Variants in BIRC6 observed in about 807,000 individuals in gnomAD.
BIRC6 encodes the protein dual E2 ubiquitin-conjugating enzyme/E3 ubiquitin-protein ligase BIRC6.
Under a neutral mutation model 503.3 loss-of-function variants are expected in BIRC6, and 98 were observed. The observed-to-expected ratio is 0.19, with a 90% confidence interval of 0.17 to 0.23. The LOEUF (loss-of-function observed/expected upper bound fraction) is 0.23. Ranked by LOEUF, BIRC6 falls within the 10% of genes least tolerant of loss-of-function variation. BIRC6 has a pLI of 1.00. For synonymous variants in BIRC6, 2,240 were observed against 2,078.7 expected (o/e 1.08, Z -2.11); for missense variants, 5,360 against 5,806.0 (o/e 0.92, Z 2.50).
chr2:32,433,620 A>T, intron 12 of BIRC6, 24 bp from the exon 13 acceptor site: 1 of 1,521,432 alleles, frequency 6.6e-7, no homozygotes, highest in Non-Finnish European at 8.9e-7. Flanking sequence ...TGCTTTATTT[A>T]GCATTTTTCC....
chr2:32,376,663 T>A (rs528005662), intron 1 of BIRC6, among the ~76,000 whole-genome samples: 42 of 152,318 alleles, frequency 2.8e-4, no homozygotes, highest in African/African-American at 9.9e-4. Flanking sequence ...ATGTATGAAT[T>A]GGAAAAAAAT....
At chr2:32,512,474 G>C (rs2149652689) in intron 53 of BIRC6, among the ~76,000 whole-genome samples, 1 of 152,186 alleles carries the variant, frequency 6.6e-6, no homozygotes, top group Middle Eastern at 3.4e-3. Flanking sequence ...ATTTTTAAAA[G>C]TACTATGCAG....
At chr2:32,611,961 G>C (rs543642710) in intron 73 of BIRC6, among the ~76,000 whole-genome samples, 1 of 152,174 alleles carries the variant, frequency 6.6e-6, no homozygotes, top group East Asian at 1.9e-4. Flanking sequence ...CTGTAACCTT[G>C]AACTCCTGGG....
chr2:32,531,459 A>G lies in BIRC6; in HGVS notation c.12199A>G (p.Ile4067Val), dbSNP rs372730187. The stretch of plus-strand genomic sequence containing the variant: ...TGAATCTTTGCTTGAAACCTGTCCA[A>G]TTCAGTCACCATTACAAGTTTTTGC... ...LDESLLETCP[I>V]QSPLQVFAGM... The change falls in exon 61 of 74, where the codon ATT becomes GTT. Residue 4067 changes from isoleucine (I) to valine (V), a missense_variant. Ile to Val is a conservative substitution (Grantham distance 29). Transcript: ENST00000421745. 11 of 1,613,872 alleles carry G rather than the reference A, an allele frequency of 6.8e-6. No homozygotes were observed. Among genetic ancestry groups the G allele is most frequent in the African/African-American group, 1.3e-5 (1 of 75,038 alleles).
At chr2:32,594,767 A>G (rs1271438996) in intron 67 of BIRC6, among the ~76,000 whole-genome samples, 1 of 150,990 alleles carries the variant, frequency 6.6e-6, no homozygotes, top group East Asian at 1.9e-4. Context: ...TTAGCTGAAG[A>G]AAGTGATCTG....
intron 5 of BIRC6, among the ~76,000 whole-genome samples, chr2:32,393,410 A>G (rs2039490482): frequency 2.0e-5 from 3 of 152,214 alleles, no homozygotes; most frequent in Admixed American, 2.0e-4. Context: ...GGAAACTTAA[A>G]CTGAGTGGTA....
intron 66 of BIRC6, among the ~76,000 whole-genome samples, chr2:32,586,575 C>T (rs1462077950): frequency 6.6e-6 from 1 of 151,618 alleles, no homozygotes; most frequent in African/African-American, 2.4e-5. Flanking sequence ...TACACCACCA[C>T]TCCCGGCGAA....
At chr2:32,427,606 T>TG (rs2043667082) in intron 10 of BIRC6, among the ~76,000 whole-genome samples, 1 of 152,162 alleles carries the variant, frequency 6.6e-6, no homozygotes, top group Non-Finnish European at 1.5e-5. Context: ...TTAAAAATAT[T>TG]TTTGTTTGTT....
chr2:32,542,682 A>G (rs2057761310), intron 61 of BIRC6, among the ~76,000 whole-genome samples: 1 of 152,266 alleles, frequency 6.6e-6, no homozygotes, highest in Non-Finnish European at 1.5e-5. Flanking sequence ...AAATAGTCTC[A>G]AGAATCTGCA....
chr2:32,527,722 G>C (rs1486388151), intron 59 of BIRC6: 1 of 152,282 alleles, frequency 6.6e-6, no homozygotes, highest in African/African-American at 2.4e-5. Flanking sequence ...TATACCTTCA[G>C]AGTTCAGCAG....
At chr2:32,454,981 CT>C (rs1367073475) in intron 23 of BIRC6, among the ~76,000 whole-genome samples, 4 of 152,074 alleles carry the variant, frequency 2.6e-5, no homozygotes, top group Non-Finnish European at 5.9e-5. Context: ...TTTGTAGAAA[CT>C]TTTACATTTA....
Position 32,501,759 on chromosome 2 carries a change from G to T in BIRC6, c.9078G>T (p.Gly3026=). ...HLTKHENFHG[G]LDAISVGDGL... is the part of the protein sequence containing the mutation. ...CTAAACATGAAAACTTTCATGGTGG[G>T]TTGGATGCCATATCAGTTGGGGATG... The change falls in exon 47 of 74, where the codon GGG becomes GGT. Residue 3026 remains glycine (G), a synonymous_variant. Coordinates refer to ENST00000421745, the MANE Select transcript of BIRC6 (RefSeq NM_016252.4). 6.2e-7 allele frequency: 1 copy of T among 1,613,384 alleles called. No homozygotes were observed. Among genetic ancestry groups the T allele is most frequent in the Non-Finnish European group, 8.5e-7 (1 of 1,179,742 alleles).
rs570781756 is a variant in BIRC6 at position 32,567,161 on chromosome 2, G to T, written c.13145-7995G>T. ...GTTTTTGTATTTTTAGTAGAGACTG[G>T]GTTTTGCCATGTTGGCTAGGCTGGT... On this transcript the variant is annotated intron_variant, in intron 65 of 73. Transcript: ENST00000421745. Among the ~76,000 whole-genome samples, 13 of 152,196 alleles carry T rather than the reference G, an allele frequency of 8.5e-5. No individual in the cohort carries two copies. In the East Asian group the frequency reaches 2.5e-3, roughly 29 times the overall value.
rs74364753 is a variant in BIRC6, at chr2:32,468,813, C to G, written c.6127+30C>G. 0.014 allele frequency: 20,112 copies of G among 1,475,646 alleles called. 193 individuals are homozygous for G. Among genetic ancestry groups the G allele is most frequent in the Non-Finnish European group, 0.017 (18,691 of 1,080,970 alleles). The allele number at this position is 1,475,646 out of a possible 1,614,324, so 91.4% of individuals were successfully genotyped here. On this transcript the variant is annotated intron_variant, in intron 29 of 73. Transcript: ENST00000421745. ...GTATTTGGCTTACATATTTTAAAGG[C>G]TGGGAATATACTTGATGTGATTTCG...
intron 61 of BIRC6, among the ~76,000 whole-genome samples, chr2:32,535,222 CCT>C (rs2057128922): frequency 7.4e-6 from 1 of 135,456 alleles, no homozygotes; most frequent in East Asian, 2.1e-4. Context: ...AAGAAAATGA[CCT>C]ATATTTTCAA....
intron 73 of BIRC6, among the ~76,000 whole-genome samples, chr2:32,614,408 T>C (rs2063096918): frequency 6.6e-6 from 1 of 152,276 alleles, no homozygotes; most frequent in African/African-American, 2.4e-5. Flanking sequence ...TTTCATTCAG[T>C]GTCTTGCTTA....
Position 32,397,598 on chromosome 2 carries a change from G to GTATATA in BIRC6, c.1034+2006_1034+2007insATATAT, listed in dbSNP as rs1299114570. On this transcript the variant is annotated intron_variant, in intron 6 of 73. Transcript: ENST00000421745. ...GCTGTGTGTGTGTGTGTGTGTGTGT[G>GTATATA]TGTGTGTATATATGTGTGTATATAT... 1.7e-3 allele frequency among the ~76,000 whole-genome samples: 245 copies of GTATATA among 143,274 alleles called. 2 individuals are homozygous for GTATATA. The highest frequency in any genetic ancestry group is 0.017 in the South Asian group (79 of 4,638). 94.0% of individuals were successfully genotyped at this position (143,274 alleles called of 152,430 possible). A position where few individuals can be genotyped will look rare whatever the true frequency, so the allele number is the denominator to read the frequency against.
At chr2:32,381,077 T>A (rs993783931) in intron 3 of BIRC6, among the ~76,000 whole-genome samples, 3 of 152,158 alleles carry the variant, frequency 2.0e-5, no homozygotes, top group Non-Finnish European at 4.4e-5. Context: ...CTTTTCTAAG[T>A]TATACTGCAT....
At chr2:32,521,656 T>C (rs1401164401) in intron 57 of BIRC6, among the ~76,000 whole-genome samples, 2 of 151,252 alleles carry the variant, frequency 1.3e-5, no homozygotes, top group Admixed American at 6.6e-5. Context: ...TTTTTTTTTT[T>C]TTTAGTAGAG....
Sources: allele counts gnomAD v4.1 joint callset (sites outside exome capture counted in the v4.1 genomes callset), GRCh38; gene constraint gnomAD v4.1.1; transcripts MANE v1.5; gene names NCBI Gene and HGNC (gene_info 2026-07-23, HGNC 2026-07-21).